ADGRB3: variants seen among roughly 807,000 people sequenced by gnomAD.
The protein encoded by ADGRB3 is brain-specific angiogenesis inhibitor 3.
A neutral mutation model predicts 193.4 loss-of-function variants in ADGRB3; 37 were observed. That is an observed-to-expected ratio of 0.19 (90% CI 0.15 to 0.25). The LOEUF is 0.25. Among genes scored for constraint, ADGRB3 ranks in the 10% least tolerant of loss-of-function variants. The pLI is 1.00. For missense variants in ADGRB3, 1,637 were observed against 1,852.9 expected, an observed-to-expected ratio of 0.88 and a Z score of 2.14; for synonymous variants, 690 against 644.2, an observed-to-expected ratio of 1.07 and a Z score of -1.08.
chr6:69,035,978 C>T (rs1279215314), intron 13 of ADGRB3, among the ~76,000 whole-genome samples: 1 of 152,102 alleles, frequency 6.6e-6, no homozygotes, highest in Non-Finnish European at 1.5e-5. Context: ...GCTTTGGATA[C>T]ATCACATTTG....
chr6:68,637,302 G>C (rs1388215667), intron 1 of ADGRB3, 89 bp from the exon 2 acceptor site: 3 of 152,412 alleles, frequency 2.0e-5, no homozygotes, highest in African/African-American at 7.3e-5. Context: ...GAAGGAAGAG[G>C]GTTTTATCCT....
At chr6:69,041,814 ACTCCTGGGCTCAAGGGATC>A (rs1236618446) in intron 13 of ADGRB3, among the ~76,000 whole-genome samples, 3 of 151,122 alleles carry the variant, frequency 2.0e-5, no homozygotes, top group Non-Finnish European at 3.0e-5. Flanking sequence ...CTGGACTTGA[ACTCCTGGGCTCAAGGGATC>A]CTCCTGCCTT....
intron 3 of ADGRB3, among the ~76,000 whole-genome samples, chr6:68,645,694 C>T (rs892746367): frequency 4.6e-5 from 7 of 152,018 alleles, no homozygotes; most frequent in South Asian, 2.1e-4. Context: ...TTTTTTGAGA[C>T]GGAGTTGCAT....
chr6:69,071,185 T>C (rs971386079), intron 16 of ADGRB3, among the ~76,000 whole-genome samples: 2 of 152,212 alleles, frequency 1.3e-5, no homozygotes, highest in Non-Finnish European at 2.9e-5. Flanking sequence ...CTCTCTCTTC[T>C]GACTTCTGCA....
chr6:69,363,650 T>C (rs1422256321), intron 29 of ADGRB3, among the ~76,000 whole-genome samples: 1 of 152,062 alleles, frequency 6.6e-6, no homozygotes, highest in Non-Finnish European at 1.5e-5. Flanking sequence ...AACTTTAAAG[T>C]TCTTTCTAAT....
intron 20 of ADGRB3, among the ~76,000 whole-genome samples, chr6:69,266,232 G>A (rs529949314): frequency 8.6e-5 from 13 of 151,980 alleles, no homozygotes; most frequent in South Asian, 6.2e-4. Flanking sequence ...TATATGTATC[G>A]TCAAAGGATG....
intron 3 of ADGRB3, among the ~76,000 whole-genome samples, chr6:68,751,582 C>A (rs1339437060): frequency 2.6e-5 from 4 of 152,118 alleles, no homozygotes; most frequent in African/African-American, 4.8e-5. Flanking sequence ...TAATCAAAAT[C>A]TTATTAAAAT....
intron 3 of ADGRB3, among the ~76,000 whole-genome samples, chr6:68,801,423 C>T (rs998678336): frequency 5.9e-5 from 9 of 152,264 alleles, no homozygotes; most frequent in African/African-American, 1.7e-4. Flanking sequence ...CGCAGTGGCT[C>T]ATGCCTGTAA....
At chr6:69,209,213 G>C (rs1765603697) in intron 17 of ADGRB3, among the ~76,000 whole-genome samples, 1 of 152,250 alleles carries the variant, frequency 6.6e-6, no homozygotes, top group Middle Eastern at 3.4e-3. Flanking sequence ...CTCAAAACTG[G>C]CGGCCTTTCA....
At chr6:68,777,267 G>T (rs1179444251) in intron 3 of ADGRB3, among the ~76,000 whole-genome samples, 1 of 152,032 alleles carries the variant, frequency 6.6e-6, no homozygotes, top group African/African-American at 2.4e-5. Context: ...TAAATTAATT[G>T]ACCTTGGTTC....
intron 3 of ADGRB3, among the ~76,000 whole-genome samples, chr6:68,879,053 G>T (rs1765665617): frequency 6.6e-6 from 1 of 152,096 alleles, no homozygotes; most frequent in South Asian, 2.1e-4. Context: ...TGAGATTTGG[G>T]TGGGGACACA....
intron 17 of ADGRB3, among the ~76,000 whole-genome samples, chr6:69,118,106 C>T (rs1013942891): frequency 2.6e-5 from 4 of 152,128 alleles, no homozygotes; most frequent in Admixed American, 6.5e-5. Context: ...AGGTATGGCC[C>T]TATTATCAAT....
At chr6:69,036,945 G>A (rs1770889482) in intron 13 of ADGRB3, among the ~76,000 whole-genome samples, 1 of 152,164 alleles carries the variant, frequency 6.6e-6, no homozygotes, top group Non-Finnish European at 1.5e-5. Flanking sequence ...GTTTATGAGA[G>A]AAAGAATTTA....
At chr6:68,741,823 T>G (rs981967161) in intron 3 of ADGRB3, among the ~76,000 whole-genome samples, 7 of 152,248 alleles carry the variant, frequency 4.6e-5, no homozygotes, top group African/African-American at 1.7e-4. Flanking sequence ...TTGCTTCTGA[T>G]GAAATGTTCT....
At chr6:68,730,707 C>A (rs1765757403) in intron 3 of ADGRB3, among the ~76,000 whole-genome samples, 1 of 151,594 alleles carries the variant, frequency 6.6e-6, no homozygotes, top group South Asian at 2.1e-4. Context: ...AGAGTCAATT[C>A]CATAATTTTC....
In ADGRB3 at chr6:69,360,989, C is replaced by A. The variant is rs1327771019; in HGVS notation, c.3716C>A (p.Thr1239Lys). The change falls in exon 29 of 32, where the codon ACA (threonine) becomes AAA (lysine). Residue 1239 changes from threonine to lysine, a missense_variant. Physicochemically the swap from Thr to Lys is moderately conservative, Grantham distance 78. Around this residue, in one of 7 missense-constraint regions of ADGRB3, gnomAD observed 368 missense variants for 367.4 expected, o/e 1.00. Transcript: ENST00000370598. Reference sequence around the variant, plus strand: ...AACCCTGAAGGGCTAAGCTATTCAACATTGCCTGGAAATGTCATTTCCAAA... The same window carrying A: ...AACCCTGAAGGGCTAAGCTATTCAAAATTGCCTGGAAATGTCATTTCCAAA... ...GTNPEGLSYS[T>K]LPGNVISKVI... The A allele has an allele frequency of 6.2e-7, 1 of 1,612,730 alleles. No homozygotes were observed. Among genetic ancestry groups the A allele is most frequent in the Admixed American group, 1.7e-5 (1 of 59,774 alleles).
At chr6:68,963,932 T>C (rs1768306299) in intron 8 of ADGRB3, among the ~76,000 whole-genome samples, 1 of 152,160 alleles carries the variant, frequency 6.6e-6, no homozygotes, top group African/African-American at 2.4e-5. Flanking sequence ...GATTCTTCAC[T>C]GAGCCTAGTT....
chr6:69,283,234 G>A (rs1418400903), intron 20 of ADGRB3, among the ~76,000 whole-genome samples: 1 of 152,186 alleles, frequency 6.6e-6, no homozygotes, highest in African/African-American at 2.4e-5. Context: ...TAACAGGGTA[G>A]TGACACAATT....
chr6:69,338,447 A>G (rs1159127628), intron 24 of ADGRB3, among the ~76,000 whole-genome samples: 3 of 152,190 alleles, frequency 2.0e-5, no homozygotes, highest in Non-Finnish European at 4.4e-5. Flanking sequence ...GAAGACTCCT[A>G]AAATCCATTT....
Sources: gnomAD v4.1 joint callset for allele counts (sites outside exome capture counted in the v4.1 genomes callset) on GRCh38, gnomAD v4.1.1 for gene constraint, gnomAD v4.1.1 regional missense constraint, MANE v1.5 for transcripts, NCBI Gene and HGNC (gene_info 2026-07-23, HGNC 2026-07-21) for gene names.